The following SLK variants were observed in gnomAD, a reference collection of about 807,000 sequenced individuals.
SLK encodes the protein STE20 like kinase, also known as STE20-like serine/threonine-protein kinase.
In SLK, 67 loss-of-function variants were observed where a neutral mutation model predicts 147.7. The ratio of observed to expected loss-of-function variants is 0.45; its 90% CI spans 0.37 to 0.56. The LOEUF (loss-of-function observed/expected upper bound fraction) is 0.56. Ranked by LOEUF, SLK falls within the 20% of genes least tolerant of loss-of-function variation. The pLI is 0.00. For missense variants in SLK, 1,136 were observed against 1,438.8 expected (o/e 0.79, Z 3.41); for synonymous variants, 441 against 475.0 (o/e 0.93, Z 0.93).
rs1031326946 is a variant in SLK, at chr10:104,027,348, C to A, written c.*1628C>A. 1.3e-5 allele frequency: 2 copies of A among 152,298 alleles called. No homozygotes were observed. The highest frequency in any genetic ancestry group is 4.8e-5 in the African/African-American group (2 of 41,362). The allele number at this position is 152,298 out of a possible 1,614,324, so 9.4% of individuals were successfully genotyped here. The stretch of plus-strand genomic sequence containing the variant: ...CTTCGTAGGTAGCCTTAACTTCTGG[C>A]CAAGTTTGTTTTTTATATAAATATA... On this transcript the variant is annotated 3_prime_UTR_variant, in exon 19 of 19. Transcript: ENST00000369755.
chr10:104,019,703 C>T lies in SLK; in HGVS notation c.3133-31C>T, dbSNP rs554469748. Reference sequence around the variant, plus strand: ...ATGTGGGTACTGACTATTGTTTCTGCGTCACTGGATTCTATTTAAAACTTT... The same window carrying T: ...ATGTGGGTACTGACTATTGTTTCTGTGTCACTGGATTCTATTTAAAACTTT... On this transcript the variant is annotated intron_variant, in intron 15 of 18. Coordinates refer to ENST00000369755, the MANE Select transcript of SLK (RefSeq NM_014720.4). The T allele has an allele frequency of 6.1e-4, 928 of 1,531,152 alleles. 18 individuals are homozygous for T. In the South Asian group the frequency reaches 9.9e-3, roughly 16 times the overall value. 94.8% of individuals were successfully genotyped at this position (1,531,152 alleles called of 1,614,324 possible). A position where few individuals can be genotyped will look rare whatever the true frequency, so the allele number is the denominator to read the frequency against.
At chr10:104,020,317 T>C (rs1159718706) in intron 16 of SLK, among the ~76,000 whole-genome samples, 171 bp from the exon 17 acceptor site, 1 of 152,222 alleles carries the variant, frequency 6.6e-6, no homozygotes, top group African/African-American at 2.4e-5. Flanking sequence ...TAATCAGAAG[T>C]TCCTGCTCTT....
At chr10:103,995,338 A>G (rs1465280200) in intron 4 of SLK, among the ~76,000 whole-genome samples, 5 of 151,470 alleles carry the variant, frequency 3.3e-5, no homozygotes, top group Non-Finnish European at 7.4e-5. Context: ...AGCTTACTTG[A>G]CAGTTCTGAG....
At chr10:104,021,348 G>A (rs905214153) in intron 17 of SLK, among the ~76,000 whole-genome samples, 3 of 152,156 alleles carry the variant, frequency 2.0e-5, no homozygotes, top group South Asian at 4.1e-4. Flanking sequence ...AGTTTTATGA[G>A]CAAATCTTCT....
intron 18 of SLK, among the ~76,000 whole-genome samples, chr10:104,022,660 T>A (rs2134538553): frequency 6.6e-6 from 1 of 152,254 alleles, no homozygotes; most frequent in East Asian, 1.9e-4. Flanking sequence ...CAGGCTGGAG[T>A]GCAATGGTGC....
At chr10:103,971,788 A>T (rs72821410) in intron 1 of SLK, among the ~76,000 whole-genome samples, 4,686 of 152,346 alleles carry the variant, frequency 0.031, 103 homozygotes, top group Middle Eastern at 0.058. Context: ...AAGTATGGAA[A>T]CATATACATT....
At chr10:103,998,836 C>T (rs1490590070) in intron 4 of SLK, 63 bp from the exon 5 acceptor site, 3 of 1,131,604 alleles carry the variant, frequency 2.7e-6, no homozygotes, top group South Asian at 1.3e-5. Context: ...CTTTTTCTCC[C>T]CATTGAATAC....
At position 104,003,413 on chromosome 10, in the gene SLK, A is replaced by T; in HGVS notation, c.2235A>T (p.Glu745Asp). The change falls in exon 9 of 19, where the codon GAA becomes GAT. Residue 745 changes from glutamate to aspartate, a missense_variant. This residue lies in a region of SLK where 516 missense variants were observed against 531.3 expected (regional missense o/e 0.97). Coordinates refer to ENST00000369755, the MANE Select transcript of SLK (RefSeq NM_014720.4). The part of the protein sequence containing the change: ...ILPPESENPK[E>D]NDNDSGTGST... The stretch of plus-strand genomic sequence containing the variant: ...CACCAGAATCTGAGAATCCAAAGGA[A>T]AATGATAATGATTCAGGCACTGGTT... 1 of 1,614,090 alleles carries T rather than the reference A, an allele frequency of 6.2e-7. No individual in the cohort carries two copies. The highest frequency in any genetic ancestry group is 8.5e-7 in the Non-Finnish European group (1 of 1,179,946).
chr10:104,028,453 T>C lies in SLK; in HGVS notation c.*2733T>C, dbSNP rs796941874. On this transcript the variant is annotated 3_prime_UTR_variant, in exon 19 of 19. Transcript: ENST00000369755. ...ATGTGGAGTCACATTAAGCTTTTTCTTATCTTTTTCTATGGGGAAGCTATA... is the reference window on the plus strand; with the variant it reads ...ATGTGGAGTCACATTAAGCTTTTTCCTATCTTTTTCTATGGGGAAGCTATA... 18 of 152,340 alleles carry C rather than the reference T, an allele frequency of 1.2e-4. No homozygotes were observed. The highest frequency in any genetic ancestry group is 4.3e-4 in the African/African-American group (18 of 41,578). 9.4% of individuals were successfully genotyped at this position (152,340 alleles called of 1,614,324 possible).
chr10:104,022,227 AAAAG>A (rs1054164570), intron 18 of SLK, among the ~76,000 whole-genome samples: 1 of 152,088 alleles, frequency 6.6e-6, no homozygotes, highest in Non-Finnish European at 1.5e-5. Context: ...AGGGAGGAAG[AAAAG>A]GAAGGAAGGA....
chr10:103,997,234 A>T (rs116706319), intron 4 of SLK, among the ~76,000 whole-genome samples: 194 of 152,344 alleles, frequency 1.3e-3, no homozygotes, highest in African/African-American at 4.5e-3. Context: ...AGGTTCATCC[A>T]CGTTGTAGCG....
intron 7 of SLK, 95 bp downstream of exon 7, chr10:104,000,043 C>T: frequency 1.8e-6 from 1 of 554,752 alleles, no homozygotes; most frequent in African/African-American, 1.9e-5. Context: ...TTAAATTTCC[C>T]TGTGGAGAGT....
intron 1 of SLK, among the ~76,000 whole-genome samples, chr10:103,987,333 A>T (rs1347732343): frequency 1.3e-5 from 2 of 152,168 alleles, no homozygotes; most frequent in Non-Finnish European, 1.5e-5. Context: ...AGTATAAAAG[A>T]TACATCTTTA....
At chr10:103,990,358 C>A (rs1485750135) in intron 1 of SLK, among the ~76,000 whole-genome samples, 1 of 152,162 alleles carries the variant, frequency 6.6e-6, no homozygotes, top group Non-Finnish European at 1.5e-5. Context: ...AATGTAGGTT[C>A]ATCATAGCAA....
chr10:104,021,534 T>C (rs1844533755), intron 17 of SLK, 86 bp from the exon 18 acceptor site: 1 of 713,896 alleles, frequency 1.4e-6, no homozygotes. Flanking sequence ...ATTTGATGAG[T>C]AATTTATTAT....
At chr10:103,986,558 TCTC>T (rs1844015767) in intron 1 of SLK, among the ~76,000 whole-genome samples, 1 of 152,104 alleles carries the variant, frequency 6.6e-6, no homozygotes, top group Non-Finnish European at 1.5e-5. Context: ...CTGCTGCTCA[TCTC>T]CTGCTATGCG....
At chr10:104,009,829 T>C (rs1377611035) in intron 12 of SLK, among the ~76,000 whole-genome samples, 1 of 152,116 alleles carries the variant, frequency 6.6e-6, no homozygotes, top group Non-Finnish European at 1.5e-5. Context: ...GGGGAGTCTC[T>C]TCCTTTTAAT....
rs1432432822 is a variant in SLK at position 104,002,809 on chromosome 10, A to G, written c.1631A>G (p.Asn544Ser). The G allele has an allele frequency of 1.1e-5, 18 of 1,614,028 alleles. No homozygotes were observed. Among genetic ancestry groups the G allele is most frequent in the African/African-American group, 8.0e-5 (6 of 74,924 alleles). The change falls in exon 9 of 19, where the codon AAT becomes AGT. Residue 544 changes from asparagine to serine, a missense_variant. Physicochemically the swap from Asn to Ser is conservative, Grantham distance 46 (BLOSUM62 1). Coordinates refer to ENST00000369755, the MANE Select transcript of SLK (RefSeq NM_014720.4). ...DDKTQKDVIS[N>S]TSDVIGTCEA... Reference sequence around the variant, plus strand: ...AAAACTCAAAAAGATGTGATCAGCAATACAAGTGATGTGATAGGAACATGT... The same window carrying G: ...AAAACTCAAAAAGATGTGATCAGCAGTACAAGTGATGTGATAGGAACATGT...
rs1844078395 is a variant in SLK at position 103,990,534 on chromosome 10, C to T, written c.151-141C>T. 3 of 491,766 alleles carry T rather than the reference C, an allele frequency of 6.1e-6. No individual in the cohort carries two copies. The South Asian group carries it at 1.1e-4, about 18-fold the overall frequency. The allele number at this position is 491,766 out of a possible 1,614,324, so 30.5% of individuals were successfully genotyped here. A position where few individuals can be genotyped will look rare whatever the true frequency, so the allele number is the denominator to read the frequency against. ...TCAGTCTGTGGCTTGTCTTCTCATTCTCTTGACACACTATTTTTAAAAGAC... is the reference window on the plus strand; with the variant it reads ...TCAGTCTGTGGCTTGTCTTCTCATTTTCTTGACACACTATTTTTAAAAGAC... On this transcript the variant is annotated intron_variant, in intron 1 of 18. Transcript: ENST00000369755.
Sources: gnomAD v4.1 joint callset for allele counts (sites outside exome capture counted in the v4.1 genomes callset) on GRCh38, gnomAD v4.1.1 for gene constraint, gnomAD v4.1.1 regional missense constraint, MANE v1.5 for transcripts, NCBI Gene and HGNC (gene_info 2026-07-23, HGNC 2026-07-21) for gene names.